The following HOXC5 variants were observed in gnomAD, a reference collection of about 807,000 sequenced individuals.
The protein encoded by HOXC5 is homeobox protein Hox-C5.
A neutral mutation model predicts 20.1 loss-of-function variants in HOXC5; 19 were observed. The observed-to-expected ratio is 0.94, with a 90% CI of 0.66 to 1.38. HOXC5 has a LOEUF of 1.38. HOXC5 is among the 40% of genes most tolerant of loss of function. The pLI is 0.00. For missense variants in HOXC5, 330 were observed against 300.1 expected, an observed-to-expected ratio of 1.10 and a Z score of -0.74; for synonymous variants, 124 against 117.0, an observed-to-expected ratio of 1.06 and a Z score of -0.39.
At chr12:54,019,091 C>G in the HOXC5 span, among the ~76,000 whole-genome samples, 5 of 150,002 alleles carry the variant, frequency 3.3e-5, no homozygotes, top group Non-Finnish European at 7.4e-5. Context: ...TTTCTGCCCC[C>G]GCTAAATTCC....
In HOXC5 at chr12:54,034,611, C is replaced by G; in HGVS notation, c.*119C>G. The G allele has an allele frequency of 1.2e-6, 1 of 801,794 alleles. No individual in the cohort carries two copies. The highest frequency in any genetic ancestry group is 2.0e-6 in the Non-Finnish European group (1 of 507,178). The allele number at this position is 801,794 out of a possible 1,614,324, so 49.7% of individuals were successfully genotyped here. ...GGCAGGTGCTGGAGCACTGGGCTCCCGGGCCCCACAGACAAAAGCGCTTTT... is the reference window on the plus strand; with the variant it reads ...GGCAGGTGCTGGAGCACTGGGCTCCGGGGCCCCACAGACAAAAGCGCTTTT... On this transcript the variant is annotated 3_prime_UTR_variant, in exon 2 of 2. Coordinates refer to ENST00000312492, the MANE Select transcript of HOXC5 (RefSeq NM_018953.4).
At chr12:54,024,083 C>T in the HOXC5 span, among the ~76,000 whole-genome samples, 2 of 152,354 alleles carry the variant, frequency 1.3e-5, no homozygotes, top group East Asian at 1.9e-4. Flanking sequence ...CGCTCCAGAA[C>T]AGCAAAGCCT....
intron 1 of HOXC5, chr12:54,033,801 T>TG: frequency 1.7e-6 from 1 of 572,846 alleles, no homozygotes; most frequent in Non-Finnish European, 3.1e-6. Context: ...ATTCAATTTT[T>TG]GGGGGAGAGG....
At chr12:54,034,101 G>A (rs1941105014) in intron 1 of HOXC5, 177 bp from the exon 2 acceptor site, 4 of 725,706 alleles carry the variant, frequency 5.5e-6, no homozygotes, top group African/African-American at 1.7e-5. Context: ...CTGCCTGGGC[G>A]GAGGCGCCTC....
At position 54,034,736 on chromosome 12, in the gene HOXC5, G is replaced by A. The variant is rs1941136673; in HGVS notation, c.*244G>A. 1 of 520,588 alleles carries A rather than the reference G, an allele frequency of 1.9e-6. No individual in the cohort carries two copies. Among genetic ancestry groups the A allele is most frequent in the Admixed American group, 3.2e-5 (1 of 31,158 alleles). The allele number at this position is 520,588 out of a possible 1,614,324, so 32.2% of individuals were successfully genotyped here. A position where few individuals can be genotyped will look rare whatever the true frequency, so the allele number is the denominator to read the frequency against. ...GGCTCAGCTCGGTACCCGGGGCCCA[G>A]GGCAAGCTCCGCAGGACTTCCCCGG... On this transcript the variant is annotated 3_prime_UTR_variant, in exon 2 of 2. Coordinates refer to ENST00000312492, the MANE Select transcript of HOXC5 (RefSeq NM_018953.4).
chr12:54,028,610 C>T (rs1199298214), upstream of HOXC5: 2 of 1,614,142 alleles, frequency 1.2e-6, no homozygotes, highest in Middle Eastern at 1.6e-4. Flanking sequence ...AATTCCACCG[C>T]CTATGATCCA....
At chr12:54,033,852 C>G in intron 1 of HOXC5, 1 of 499,048 alleles carries the variant, frequency 2.0e-6, no homozygotes, top group South Asian at 2.1e-5. Flanking sequence ...GGGTGAGGAG[C>G]GCGGGGCTCC....
rs1941153084 is a variant in HOXC5, at chr12:54,035,105, C to T, written c.*613C>T. ...TCTCCACAACCTCTTCCCCCCAAAA[C>T]CCGGGAACCTCCCCAGCCTGCGCCT... On this transcript the variant is annotated 3_prime_UTR_variant, in exon 2 of 2. Coordinates refer to ENST00000312492, the MANE Select transcript of HOXC5 (RefSeq NM_018953.4). 6.5e-6 allele frequency: 1 copy of T among 154,130 alleles called. No homozygotes were observed. The highest frequency in any genetic ancestry group is 6.4e-5 in the Admixed American group (1 of 15,568). 9.5% of individuals were successfully genotyped at this position (154,130 alleles called of 1,614,324 possible). A position where few individuals can be genotyped will look rare whatever the true frequency, so the allele number is the denominator to read the frequency against.
chr12:54,023,930 C>T, the HOXC5 span, among the ~76,000 whole-genome samples: 1 of 152,132 alleles, frequency 6.6e-6, no homozygotes, highest in African/African-American at 2.4e-5. Context: ...AGGCTCTTTG[C>T]GATCTGATCC....
upstream of HOXC5, chr12:54,030,884 C>T (rs1251459198): frequency 1.3e-5 from 2 of 152,282 alleles, no homozygotes. Flanking sequence ...GGAGCAGGCT[C>T]CAAGCGCTCC....
At chr12:54,031,241 T>C (rs370014834), upstream of HOXC5, among the ~76,000 whole-genome samples, 12 of 151,804 alleles carry the variant, frequency 7.9e-5, no homozygotes, top group East Asian at 1.6e-3. Context: ...CTCCCGGGAG[T>C]TGGAGGCGGG....
the HOXC5 span, chr12:54,020,420 G>GCCCTGC: frequency 6.6e-6 from 1 of 152,208 alleles, no homozygotes; most frequent in African/African-American, 2.4e-5. Context: ...GAATTGGGCA[G>GCCCTGC]AGCAAACCCT....
At chr12:54,033,035 T>G, upstream of HOXC5, 3 of 1,068,138 alleles carry the variant, frequency 2.8e-6, no homozygotes, top group South Asian at 4.6e-5. Flanking sequence ...TTGTCCACTT[T>G]GGAGAACAAA....
chr12:54,025,822 G>C, the HOXC5 span, among the ~76,000 whole-genome samples: 2 of 151,930 alleles, frequency 1.3e-5, no homozygotes, highest in African/African-American at 4.8e-5. Flanking sequence ...CCCAACTTTG[G>C]GGCCCCTTTC....
intron 1 of HOXC5, 84 bp from the exon 2 acceptor site, chr12:54,034,194 G>T: frequency 1.5e-6 from 2 of 1,307,162 alleles, no homozygotes; most frequent in Admixed American, 1.7e-5. Context: ...CCGGCCGCGG[G>T]TGGGGGCCTG....
At chr12:54,024,851 G>A in the HOXC5 span, among the ~76,000 whole-genome samples, 2 of 152,216 alleles carry the variant, frequency 1.3e-5, no homozygotes, top group Admixed American at 6.5e-5. Context: ...CAAGGCGCAG[G>A]CAGTAAATTT....
the HOXC5 span, among the ~76,000 whole-genome samples, chr12:54,019,709 T>C: frequency 6.6e-6 from 1 of 152,120 alleles, no homozygotes; most frequent in South Asian, 2.1e-4. Flanking sequence ...GGCTGAGGTA[T>C]TTCTCTTAAT....
chr12:54,033,154 A>G lies in HOXC5; in HGVS notation c.32A>G (p.Lys11Arg). The G allele has an allele frequency of 6.2e-7, 1 of 1,613,622 alleles. No homozygotes were observed. Among genetic ancestry groups the G allele is most frequent in the Non-Finnish European group, 8.5e-7 (1 of 1,179,536 alleles). MSSYVANSFY[K>R]QSPNIPAYNM... ...TCCTACGTAGCCAATTCATTCTATA[A>G]GCAGAGCCCCAATATCCCTGCCTAT... is the stretch of plus-strand genomic sequence containing the variant. The change falls in exon 1 of 2, where the codon AAG becomes AGG. Residue 11 changes from lysine (K) to arginine (R), a missense_variant. Transcript: ENST00000312492.
Position 54,033,317 on chromosome 12 carries a change from C to T in HOXC5, c.195C>T (p.Ala65=), listed in dbSNP as rs1232891084. 2 of 1,614,008 alleles carry T rather than the reference C, an allele frequency of 1.2e-6. No homozygotes were observed. The highest frequency in any genetic ancestry group is 1.7e-5 in the Admixed American group (1 of 60,032). ...CTCTCCACGGGGTAGACATGGCTGC[C>T]AACCCCCGGGCTCACCCCGACCGCC... ...SNSLHGVDMA[A]NPRAHPDRPA... is the part of the protein sequence containing the mutation. The change falls in exon 1 of 2, where the codon GCC becomes GCT. Residue 65 remains alanine, a synonymous_variant. Coordinates refer to ENST00000312492, the MANE Select transcript of HOXC5 (RefSeq NM_018953.4).
Sources: gnomAD v4.1 joint callset for allele counts (sites outside exome capture counted in the v4.1 genomes callset) on GRCh38, gnomAD v4.1.1 for gene constraint, MANE v1.5 for transcripts, NCBI Gene and HGNC (gene_info 2026-07-23, HGNC 2026-07-21) for gene names.